CSGALNACT1: variants seen among roughly 807,000 people sequenced by gnomAD.
CSGALNACT1 encodes chondroitin sulfate N-acetylgalactosaminyltransferase 1, also known as beta4GalNAcT-1.
In CSGALNACT1, 52 loss-of-function variants were observed where a neutral mutation model predicts 51.0. The observed-to-expected ratio is 1.02, with a 90% confidence interval of 0.82 to 1.29. The LOEUF (loss-of-function observed/expected upper bound fraction) is 1.29. Among genes scored for constraint, CSGALNACT1 ranks in the 50% most tolerant of loss-of-function variants. The pLI, the probability that CSGALNACT1 is intolerant of heterozygous loss-of-function variation, is 0.00. For missense variants in CSGALNACT1, 935 were observed against 679.2 expected, an observed-to-expected ratio of 1.38 and a Z score of -4.19; for synonymous variants, 341 against 254.4, an observed-to-expected ratio of 1.34 and a Z score of -3.24.
chr8:19,477,002 A>G (rs2069860497), intron 4 of CSGALNACT1, among the ~76,000 whole-genome samples: 1 of 152,226 alleles, frequency 6.6e-6, no homozygotes, highest in African/African-American at 2.4e-5. Context: ...ATCTGTCAGC[A>G]TATGAAAATG....
chr8:19,711,772 A>G (rs2062519314), intron 1 of CSGALNACT1, among the ~76,000 whole-genome samples: 1 of 152,156 alleles, frequency 6.6e-6, no homozygotes, highest in Non-Finnish European at 1.5e-5. Flanking sequence ...GCCCACCTGT[A>G]GCCACTTCAC....
intron 1 of CSGALNACT1, among the ~76,000 whole-genome samples, chr8:19,701,017 C>T (rs370887140): frequency 1.1e-4 from 16 of 152,130 alleles, no homozygotes; most frequent in African/African-American, 3.4e-4. Context: ...AGAGCTTATT[C>T]AGCTTGCAGG....
At chr8:19,471,067 G>A (rs1310821887) in intron 4 of CSGALNACT1, among the ~76,000 whole-genome samples, 1 of 151,926 alleles carries the variant, frequency 6.6e-6, no homozygotes, top group Non-Finnish European at 1.5e-5. Flanking sequence ...CTGCACTCCA[G>A]CCTGAGCAAC....
chr8:19,429,413 G>A (rs2059312804), intron 6 of CSGALNACT1, among the ~76,000 whole-genome samples: 1 of 152,200 alleles, frequency 6.6e-6, no homozygotes. Flanking sequence ...CTGACCTCAG[G>A]TGATCTGCCT....
chr8:19,554,162 A>G (rs2089078949), intron 3 of CSGALNACT1, among the ~76,000 whole-genome samples: 1 of 152,190 alleles, frequency 6.6e-6, no homozygotes, highest in Non-Finnish European at 1.5e-5. Flanking sequence ...CTCAAAAGAA[A>G]AAAACAATAT....
At chr8:19,697,378 G>C (rs2061637603) in intron 1 of CSGALNACT1, among the ~76,000 whole-genome samples, 1 of 152,032 alleles carries the variant, frequency 6.6e-6, no homozygotes, top group Admixed American at 6.5e-5. Flanking sequence ...TGAACAGTGG[G>C]GTTGATCATG....
chr8:19,661,294 C>G (rs533970016), intron 1 of CSGALNACT1, among the ~76,000 whole-genome samples: 1 of 152,338 alleles, frequency 6.6e-6, no homozygotes, highest in South Asian at 2.1e-4. Flanking sequence ...GGCCTGGAAA[C>G]TGGGCAGGGA....
At chr8:19,570,866 C>G (rs2958572) in intron 3 of CSGALNACT1, among the ~76,000 whole-genome samples, 1 of 152,170 alleles carries the variant, frequency 6.6e-6, no homozygotes, top group South Asian at 2.1e-4. Flanking sequence ...CGAGATCACG[C>G]TATTGCATAG....
intron 4 of CSGALNACT1, among the ~76,000 whole-genome samples, chr8:19,465,956 C>A (rs2066577244): frequency 6.6e-6 from 1 of 152,134 alleles, no homozygotes; most frequent in Non-Finnish European, 1.5e-5. Context: ...TCCAAGAAGT[C>A]AGAATAAACA....
At chr8:19,464,454 T>C (rs559851171) in intron 4 of CSGALNACT1, among the ~76,000 whole-genome samples, 1 of 152,222 alleles carries the variant, frequency 6.6e-6, no homozygotes, top group South Asian at 2.1e-4. Context: ...ACTGTACTAG[T>C]TTCAAGTCTT....
At chr8:19,504,159 C>G (rs981422299) in intron 4 of CSGALNACT1, among the ~76,000 whole-genome samples, 1 of 151,620 alleles carries the variant, frequency 6.6e-6, no homozygotes, top group Admixed American at 6.6e-5. Context: ...TCACTGCAAG[C>G]TCTGCCTCCT....
intron 4 of CSGALNACT1, among the ~76,000 whole-genome samples, chr8:19,462,288 A>C (rs930623859): frequency 6.6e-6 from 1 of 152,236 alleles, no homozygotes; most frequent in Non-Finnish European, 1.5e-5. Flanking sequence ...TCATAAACAC[A>C]GAAAATGCAG....
Position 19,408,762 on chromosome 8 carries a change from C to G in CSGALNACT1, c.1228-68G>C, listed in dbSNP as rs541369753. The stretch of plus-strand genomic sequence containing the variant: ...GACAAAAATAGAGTGTTCACAAACT[C>G]CTGTGAGCCACCGTGGAGTGTGGAG... On this transcript the variant is annotated intron_variant, in intron 8 of 9. Coordinates refer to ENST00000454498, the Ensembl canonical transcript of CSGALNACT1. 114 of 1,371,970 alleles carry G rather than the reference C, an allele frequency of 8.3e-5. No homozygotes were observed. The African/African-American group carries it at 1.3e-3, about 15-fold the overall frequency. 85.0% of individuals were successfully genotyped at this position (1,371,970 alleles called of 1,614,324 possible).
chr8:19,501,162 AT>A (rs1457602586), intron 4 of CSGALNACT1, among the ~76,000 whole-genome samples: 2 of 151,314 alleles, frequency 1.3e-5, no homozygotes, highest in Non-Finnish European at 1.5e-5. Context: ...AGGCAGGAGA[AT>A]CCCCCGAAAC....
chr8:19,625,779 AGAACAAG>A (rs1481092957), intron 1 of CSGALNACT1, among the ~76,000 whole-genome samples: 1 of 152,214 alleles, frequency 6.6e-6, no homozygotes, highest in Non-Finnish European at 1.5e-5. Context: ...AAAATCCTAC[AGAACAAG>A]GAGTTTGAGG....
chr8:19,521,249 A>T (rs1028641378), intron 3 of CSGALNACT1, among the ~76,000 whole-genome samples: 1 of 152,200 alleles, frequency 6.6e-6, no homozygotes, highest in Non-Finnish European at 1.5e-5. Context: ...GAGAGGAAAG[A>T]CTGGCACTGG....
intron 1 of CSGALNACT1, among the ~76,000 whole-genome samples, chr8:19,638,636 G>T (rs373381368): frequency 6.6e-6 from 1 of 151,916 alleles, no homozygotes; most frequent in Non-Finnish European, 1.5e-5. Flanking sequence ...TAACCCAACT[G>T]GAATTTAAAT....
At chr8:19,450,082 G>GCA (rs2062834701) in intron 5 of CSGALNACT1, among the ~76,000 whole-genome samples, 2 of 116,738 alleles carry the variant, frequency 1.7e-5, no homozygotes, top group Non-Finnish European at 3.7e-5. Flanking sequence ...GGGGGAGGAG[G>GCA]GGGAGGAGGA....
rs373242464 is a variant in CSGALNACT1, at chr8:19,543,952, TA to T, written c.-296-37823del. 5.8e-4 allele frequency among the ~76,000 whole-genome samples: 88 copies of T among 152,334 alleles called. 1 individual carries two copies. The highest frequency in any genetic ancestry group is 3.4e-3 in the Middle Eastern group (1 of 294). On this transcript the variant is annotated intron_variant, in intron 3 of 9. Coordinates refer to ENST00000454498, the Ensembl canonical transcript of CSGALNACT1. ...AAAGAGGAAAAGACGGTGCCAGTAT[TA>T]AATTCTTCCTGATCAGCTTAGAGTT...
Sources: gnomAD v4.1 joint callset for allele counts (sites outside exome capture counted in the v4.1 genomes callset) on GRCh38, gnomAD v4.1.1 for gene constraint, MANE v1.5 for transcripts, NCBI Gene and HGNC (gene_info 2026-07-23, HGNC 2026-07-21) for gene names.